Variants in NCS1 observed in about 807,000 individuals in gnomAD.
The protein encoded by NCS1 is frequenin homolog.
A neutral mutation model predicts 28.4 loss-of-function variants in NCS1; 6 were observed. That is an observed-to-expected ratio of 0.21 (90% CI 0.12 to 0.42). NCS1 has a LOEUF of 0.42. Ranked by LOEUF, NCS1 falls within the 10% of genes least tolerant of loss-of-function variation. The pLI is 1.00. For missense variants in NCS1, 131 were observed against 241.4 expected (o/e 0.54, Z 3.03); for synonymous variants, 86 against 99.3 (o/e 0.87, Z 0.79).
At chr9:130,185,643 G>A (rs1554905568) in intron 1 of NCS1, among the ~76,000 whole-genome samples, 3 of 152,270 alleles carry the variant, frequency 2.0e-5, no homozygotes, top group Admixed American at 2.0e-4. Flanking sequence ...AAAGATTCCT[G>A]TTCAGAGGCA....
rs1280517837 is a variant in NCS1, at chr9:130,215,567, C to G, written c.90-2265C>G. 1.3e-5 allele frequency among the ~76,000 whole-genome samples: 2 copies of G among 152,168 alleles called. 1 individual carries two copies. The highest frequency in any genetic ancestry group is 4.8e-5 in the African/African-American group (2 of 41,444). ...AGGGCAGAGGACAGGAGAGGCAGGG[C>G]GGGCTCCGAGTCTCACGCATTGCTG... On this transcript the variant is annotated intron_variant, in intron 2 of 7. Coordinates refer to ENST00000372398, the MANE Select transcript of NCS1 (RefSeq NM_014286.4). The surrounding 1 kb of genome is among the most constrained non-coding windows in gnomAD (Gnocchi z 4.2).
Position 130,177,106 on chromosome 9 carries a change from C to T in NCS1, c.64+4379C>T, listed in dbSNP as rs1279126182. Among the ~76,000 whole-genome samples, 13 of 152,206 alleles carry T rather than the reference C, an allele frequency of 8.5e-5. No individual in the cohort carries two copies. The highest frequency in any genetic ancestry group is 2.9e-4 in the African/African-American group (12 of 41,446). ...ACTCTCCTCTGCCTTTTCCCTAATG[C>T]CCAGAATGGTGCCGGCACACAGGAG... On this transcript the variant is annotated intron_variant, in intron 1 of 7. Coordinates refer to ENST00000372398, the MANE Select transcript of NCS1 (RefSeq NM_014286.4). This position sits in a 1 kb window ranked among gnomAD's most constrained non-coding sequence, Gnocchi z 4.4.
At chr9:130,224,293 A>G (rs1374281244) in intron 6 of NCS1, among the ~76,000 whole-genome samples, 1 of 128,174 alleles carries the variant, frequency 7.8e-6, no homozygotes, top group Non-Finnish European at 1.7e-5. Context: ...TTTCTCTACT[A>G]AAAAAAAAAA....
In NCS1 at chr9:130,189,882, ATATAT is replaced by A. The variant is rs1564704656; in HGVS notation, c.65-11075_65-11071del. On this transcript the variant is annotated intron_variant, in intron 1 of 7. Transcript: ENST00000372398. Reference sequence around the variant, plus strand: ...TCAAAAAAAAAAAAAAAAAAAAAATATATATATATATATATATATATATATATTCC... The same window carrying A: ...TCAAAAAAAAAAAAAAAAAAAAAATAATATATATATATATATATATATTCC... 5.9e-3 allele frequency among the ~76,000 whole-genome samples: 258 copies of A among 43,658 alleles called. 2 individuals are homozygous for A. The highest frequency in any genetic ancestry group is 8.9e-3 in the African/African-American group (104 of 11,646). 28.6% of individuals were successfully genotyped at this position (43,658 alleles called of 152,430 possible).
intron 4 of NCS1, among the ~76,000 whole-genome samples, chr9:130,221,413 T>TATATATATAGAGAGAG (rs1833297741): frequency 1.7e-5 from 1 of 57,750 alleles, no homozygotes; most frequent in Non-Finnish European, 3.0e-5. Context: ...TATATATATA[T>TATATATATAGAGAGAG]AGAGAGAGAG....
At chr9:130,200,083 C>T (rs1832921766) in intron 1 of NCS1, among the ~76,000 whole-genome samples, 1 of 152,142 alleles carries the variant, frequency 6.6e-6, no homozygotes, top group Non-Finnish European at 1.5e-5. Context: ...ATGAGTGAGT[C>T]CCCACAACAG....
chr9:130,232,808 A>AAC lies in NCS1; in HGVS notation c.*18-182_*18-181insAC, dbSNP rs1554912299. On this transcript the variant is annotated intron_variant, in intron 7 of 7. Transcript: ENST00000372398. The surrounding 1 kb of genome is among the most constrained non-coding windows in gnomAD (Gnocchi z 4.4). ...CTCAAAAAAAAGCAAACAAAAAAAAACCAAAAAACCCAAAGGGTGCCTCAG... is the reference window on the plus strand; with the variant it reads ...CTCAAAAAAAAGCAAACAAAAAAAAAACCCAAAAAACCCAAAGGGTGCCTCAG... Among the ~76,000 whole-genome samples the AAC allele has an allele frequency of 3.3e-5, 5 of 151,898 alleles. No individual in the cohort carries two copies. Among genetic ancestry groups the AAC allele is most frequent in the African/African-American group, 9.7e-5 (4 of 41,344 alleles).
intron 2 of NCS1, among the ~76,000 whole-genome samples, chr9:130,203,347 C>G (rs1554907687): frequency 2.0e-5 from 3 of 152,130 alleles, no homozygotes; most frequent in African/African-American, 7.2e-5. Context: ...AACTCCTGGG[C>G]TCAAGCCTTG....
chr9:130,218,291 TG>T (rs1309814989), intron 3 of NCS1, among the ~76,000 whole-genome samples: 4 of 152,234 alleles, frequency 2.6e-5, no homozygotes, highest in African/African-American at 9.7e-5. Flanking sequence ...TGCACACATG[TG>T]GGCACACATA....
At chr9:130,206,706 G>A (rs550829324) in intron 2 of NCS1, among the ~76,000 whole-genome samples, 20 of 152,122 alleles carry the variant, frequency 1.3e-4, no homozygotes, top group African/African-American at 4.6e-4. Context: ...CACCGCGCCC[G>A]GCCCCGTTCT....
At chr9:130,190,176 A>T (rs1832799381) in intron 1 of NCS1, among the ~76,000 whole-genome samples, 1 of 152,122 alleles carries the variant, frequency 6.6e-6, no homozygotes, top group Admixed American at 6.6e-5. Context: ...AAACAAGAAC[A>T]TGCATTCTGT....
intron 4 of NCS1, among the ~76,000 whole-genome samples, chr9:130,221,503 C>T (rs1279671770): frequency 1.4e-5 from 2 of 145,478 alleles, no homozygotes; most frequent in South Asian, 4.3e-4. Context: ...AGTTCGATCT[C>T]GGCTTATTGC....
rs1833491886 is a variant in NCS1 at position 130,230,830 on chromosome 9, G to A, written c.*18-2160G>A. Among the ~76,000 whole-genome samples, 3 of 129,414 alleles carry A rather than the reference G, an allele frequency of 2.3e-5. No homozygotes were observed. In the South Asian group the frequency reaches 8.1e-4, roughly 35 times the overall value. 84.9% of individuals were successfully genotyped at this position (129,414 alleles called of 152,430 possible). On this transcript the variant is annotated intron_variant, in intron 7 of 7. Transcript: ENST00000372398. ...CCACCCCCACTCTTGTGATTTTGAA[G>A]CAAATTCAAGACATCATCATACTTA...
chr9:130,189,858 C>CAAAAAAAAAA (rs869189538), intron 1 of NCS1, among the ~76,000 whole-genome samples: 4 of 43,116 alleles, frequency 9.3e-5, no homozygotes, highest in African/African-American at 1.7e-4. Context: ...GACTCCATCT[C>CAAAAAAAAAA]AAAAAAAAAA....
rs1216921155 is a variant in NCS1, at chr9:130,175,520, G to A, written c.64+2793G>A. On this transcript the variant is annotated intron_variant, in intron 1 of 7. Coordinates refer to ENST00000372398, the MANE Select transcript of NCS1 (RefSeq NM_014286.4). The surrounding 1 kb of genome is among the most constrained non-coding windows in gnomAD (Gnocchi z 4.9). ...TGCAGATGGTGGTCCTGGGGAGCCC[G>A]GATTGAAGACCACAGTTCCAGTGTA... Among the ~76,000 whole-genome samples the A allele has an allele frequency of 1.3e-5, 2 of 152,160 alleles. No individual in the cohort carries two copies. The highest frequency in any genetic ancestry group is 2.9e-5 in the Non-Finnish European group (2 of 68,014).
In NCS1 at chr9:130,181,635, A is replaced by G. The variant is rs766450408; in HGVS notation, c.64+8908A>G. ...TCCCCTCTCAGCCTGGAGTCTGCAC[A>G]CTGAAGCCCTGGGCCGCGGTGAGGG... On this transcript the variant is annotated intron_variant, in intron 1 of 7. Coordinates refer to ENST00000372398, the MANE Select transcript of NCS1 (RefSeq NM_014286.4). This position sits in a 1 kb window ranked among gnomAD's most constrained non-coding sequence, Gnocchi z 5.0. Among the ~76,000 whole-genome samples the G allele has an allele frequency of 1.3e-5, 2 of 152,092 alleles. No individual in the cohort carries two copies. Among genetic ancestry groups the G allele is most frequent in the Non-Finnish European group, 2.9e-5 (2 of 68,014 alleles).
chr9:130,221,831 T>A (rs1588124656), intron 4 of NCS1, among the ~76,000 whole-genome samples: 1 of 107,158 alleles, frequency 9.3e-6, no homozygotes, highest in East Asian at 2.3e-4. Flanking sequence ...TATGTATATA[T>A]AAATATATAT....
At chr9:130,208,288 AT>A (rs1386499243) in intron 2 of NCS1, among the ~76,000 whole-genome samples, 49 of 144,624 alleles carry the variant, frequency 3.4e-4, no homozygotes, top group Admixed American at 6.2e-4. Context: ...TTCTGCAACT[AT>A]TTTTTTTTTT....
rs1448071096 is a variant in NCS1 at position 130,186,569 on chromosome 9, G to A, written c.64+13842G>A. Among the ~76,000 whole-genome samples, 1 of 151,982 alleles carries A rather than the reference G, an allele frequency of 6.6e-6. No individual in the cohort carries two copies. Among genetic ancestry groups the A allele is most frequent in the Non-Finnish European group, 1.5e-5 (1 of 68,038 alleles). On this transcript the variant is annotated intron_variant, in intron 1 of 7. Coordinates refer to ENST00000372398, the MANE Select transcript of NCS1 (RefSeq NM_014286.4). The surrounding 1 kb of genome is among the most constrained non-coding windows in gnomAD (Gnocchi z 4.1). The stretch of plus-strand genomic sequence containing the variant: ...AGCAGGAACAGCATGTTCCAGGTCA[G>A]TCCTCACCTTCCAGGGCTCCCGAAC...
Sources: gnomAD v4.1 joint callset for allele counts (sites outside exome capture counted in the v4.1 genomes callset) on GRCh38, gnomAD v4.1.1 for gene constraint, Gnocchi (gnomAD v3.1) non-coding constraint, MANE v1.5 for transcripts, NCBI Gene and HGNC (gene_info 2026-07-23, HGNC 2026-07-21) for gene names.